Variants in HIBADH observed in about 807,000 individuals in gnomAD.
HIBADH encodes the protein 3-hydroxyisobutyrate dehydrogenase.
A neutral mutation model predicts 36.1 loss-of-function variants in HIBADH; 25 were observed. The observed-to-expected ratio is 0.69, with a 90% confidence interval of 0.50 to 0.97. The LOEUF (loss-of-function observed/expected upper bound fraction) is 0.97, where lower values mean the gene tolerates loss of function less well. Ranked by LOEUF, HIBADH falls within the 50% of genes least tolerant of loss-of-function variation. The pLI is 0.00. For synonymous variants in HIBADH, 160 were observed against 149.5 expected (o/e 1.07, Z -0.51); for missense variants, 421 against 418.0 (o/e 1.01, Z -0.06).
In HIBADH at chr7:27,538,400, G is replaced by A. The variant is rs756733444; in HGVS notation, c.636C>T (p.Asn212=). ...VGTGQAAKIC[N]NMLLAISMIG... ...TCATACTAATAGCTAACAGCATGTT[G>A]TTGCAGATCTTTGCCGCCTGAAAAT... Residue 212 remains asparagine (N), a synonymous_variant, in exon 6 of 8, where the codon AAC becomes AAT. Transcript: ENST00000265395. 4.3e-6 allele frequency: 7 copies of A among 1,612,944 alleles called. No homozygotes were observed. In the East Asian group the frequency reaches 1.6e-4, roughly 36 times the overall value.
In HIBADH at chr7:27,538,374, A is replaced by T; in HGVS notation, c.662T>A (p.Ile221Asn). The change falls in exon 6 of 8, where the codon ATT becomes AAT. Residue 221 changes from isoleucine to asparagine, a missense_variant. Physicochemically the swap from Ile to Asn is moderately radical, Grantham distance 149. Coordinates refer to ENST00000265395, the MANE Select transcript of HIBADH (RefSeq NM_152740.4). ...CNNMLLAISM[I>N]GTAEAMNLGI... The stretch of plus-strand genomic sequence containing the variant: ...AAGATTCATAGCTTCAGCAGTTCCA[A>T]TCATACTAATAGCTAACAGCATGTT... The T allele has an allele frequency of 6.2e-7, 1 of 1,613,226 alleles. No homozygotes were observed. Among genetic ancestry groups the T allele is most frequent in the Non-Finnish European group, 8.5e-7 (1 of 1,179,558 alleles).
intron 6 of HIBADH, among the ~76,000 whole-genome samples, chr7:27,531,582 CTA>C (rs1403180579): frequency 1.3e-5 from 2 of 152,058 alleles, no homozygotes; most frequent in East Asian, 3.9e-4. Context: ...AGAAAACCTT[CTA>C]TGTTATCCTA....
intron 4 of HIBADH, among the ~76,000 whole-genome samples, chr7:27,618,250 T>A (rs1031482134): frequency 6.6e-6 from 1 of 152,104 alleles, no homozygotes; most frequent in African/African-American, 2.4e-5. Context: ...CAGAGAGTGG[T>A]GACTGAAATC....
chr7:27,606,115 A>C (rs1317957700), intron 4 of HIBADH, among the ~76,000 whole-genome samples: 1 of 145,492 alleles, frequency 6.9e-6, no homozygotes, highest in Non-Finnish European at 1.5e-5. Flanking sequence ...CATTTTTTTC[A>C]TAAACCAAAA....
chr7:27,622,258 TA>T (rs1785559292), intron 4 of HIBADH, among the ~76,000 whole-genome samples: 1 of 152,040 alleles, frequency 6.6e-6, no homozygotes, highest in East Asian at 1.9e-4. Context: ...TTAAAAAAGT[TA>T]AAAATAAGAA....
chr7:27,562,286 C>T (rs1366255917), intron 4 of HIBADH, among the ~76,000 whole-genome samples: 1 of 151,944 alleles, frequency 6.6e-6, no homozygotes, highest in Non-Finnish European at 1.5e-5. Flanking sequence ...AAAAGTTAAT[C>T]AAATCTTGAT....
chr7:27,579,183 A>G (rs1222532003), intron 4 of HIBADH, among the ~76,000 whole-genome samples: 1 of 152,218 alleles, frequency 6.6e-6, no homozygotes, highest in Non-Finnish European at 1.5e-5. Flanking sequence ...ATTAGATGGC[A>G]CTGAATCAAA....
At chr7:27,536,173 C>A (rs1156398703) in intron 6 of HIBADH, among the ~76,000 whole-genome samples, 3 of 152,092 alleles carry the variant, frequency 2.0e-5, no homozygotes, top group Non-Finnish European at 4.4e-5. Context: ...TCACTTTAAA[C>A]CATGTCTGTA....
At chr7:27,582,109 A>G (rs1193432697) in intron 4 of HIBADH, among the ~76,000 whole-genome samples, 1 of 152,162 alleles carries the variant, frequency 6.6e-6, no homozygotes, top group Non-Finnish European at 1.5e-5. Context: ...TCACTTGTCT[A>G]TTCAACTTAG....
intron 2 of HIBADH, among the ~76,000 whole-genome samples, chr7:27,645,744 CA>C (rs1786057496): frequency 6.6e-6 from 1 of 152,080 alleles, no homozygotes; most frequent in Admixed American, 6.6e-5. Flanking sequence ...TTTACTGGGT[CA>C]TTCATATATC....
intron 1 of HIBADH, among the ~76,000 whole-genome samples, chr7:27,652,808 C>A (rs1182638468): frequency 6.6e-6 from 1 of 152,176 alleles, no homozygotes; most frequent in African/African-American, 2.4e-5. Context: ...CCCAAAGGGC[C>A]TAGCTCCTAA....
intron 1 of HIBADH, among the ~76,000 whole-genome samples, chr7:27,650,139 T>C (rs920412049): frequency 5.9e-5 from 9 of 152,094 alleles, no homozygotes; most frequent in African/African-American, 2.2e-4. Flanking sequence ...ATGTGAAGTA[T>C]TCCATATTAT....
intron 4 of HIBADH, among the ~76,000 whole-genome samples, chr7:27,602,169 C>T (rs954640503): frequency 5.4e-5 from 8 of 147,588 alleles, no homozygotes; most frequent in Admixed American, 4.7e-4. Flanking sequence ...AACTTCCTCA[C>T]TGAAAAAAAA....
Position 27,527,929 on chromosome 7 carries a change from T to TTTTTTTC in HIBADH, c.853-1558_853-1557insGAAAAAA, listed in dbSNP as rs1783935022. 1.6e-5 allele frequency among the ~76,000 whole-genome samples: 2 copies of TTTTTTTC among 127,096 alleles called. 1 individual carries two copies. The allele number at this position is 127,096 out of a possible 152,430, so 83.4% of individuals were successfully genotyped here. ...CCACCACACCCAGCGTTTTTTTTTT[T>TTTTTTTC]TTTTTTTTTTTTTAGTAGAGACAGG... On this transcript the variant is annotated intron_variant, in intron 7 of 7. Transcript: ENST00000265395.
intron 2 of HIBADH, among the ~76,000 whole-genome samples, chr7:27,636,864 C>G (rs188071186): frequency 7.9e-5 from 12 of 152,324 alleles, no homozygotes; most frequent in Non-Finnish European, 1.6e-4. Flanking sequence ...GACTCTTAAA[C>G]AGGAATGCTG....
chr7:27,657,943 A>G (rs922249418), intron 1 of HIBADH, among the ~76,000 whole-genome samples: 8 of 152,174 alleles, frequency 5.3e-5, no homozygotes, highest in African/African-American at 1.4e-4. Context: ...ACGATTGATA[A>G]TAAGTATTAG....
In HIBADH at chr7:27,662,862, C is replaced by CG. The variant is rs1786454795; in HGVS notation, c.-75dup. On this transcript the variant is annotated 5_prime_UTR_variant, in exon 1 of 8. Transcript: ENST00000265395. The stretch of plus-strand genomic sequence containing the variant: ...GCCCACAGACTGCGAGCGTGTGCAG[C>CG]GGGACTGGCTGGCTCGCCCACGGAG... 1.1e-5 allele frequency: 14 copies of CG among 1,217,808 alleles called. No homozygotes were observed. In the South Asian group the frequency reaches 2.3e-4, roughly 20 times the overall value. The allele number at this position is 1,217,808 out of a possible 1,614,324, so 75.4% of individuals were successfully genotyped here.
intron 1 of HIBADH, among the ~76,000 whole-genome samples, chr7:27,662,180 A>T (rs1459551383): frequency 6.6e-6 from 1 of 152,148 alleles, no homozygotes; most frequent in Non-Finnish European, 1.5e-5. Flanking sequence ...TTGCTGAAAG[A>T]CTTACTGCCT....
chr7:27,615,291 T>G (rs1415419907), intron 4 of HIBADH, among the ~76,000 whole-genome samples: 2 of 152,180 alleles, frequency 1.3e-5, no homozygotes, highest in Non-Finnish European at 2.9e-5. Context: ...ACATTAGATT[T>G]AGCTGGAAAA....
Sources: allele counts gnomAD v4.1 joint callset (sites outside exome capture counted in the v4.1 genomes callset), GRCh38; gene constraint gnomAD v4.1.1; transcripts MANE v1.5; gene names NCBI Gene and HGNC (gene_info 2026-07-23, HGNC 2026-07-21).